The following SLC6A18 variants were observed in gnomAD, a reference collection of about 807,000 sequenced individuals.
SLC6A18 encodes inactive sodium-dependent neutral amino acid transporter B(0)AT3.
A neutral mutation model predicts 62.9 loss-of-function variants in SLC6A18; 58 were observed. The ratio of observed to expected loss-of-function variants is 0.92; its 90% CI spans 0.75 to 1.15. The LOEUF is 1.15. Ranked by LOEUF, SLC6A18 falls within the 50% of genes most tolerant of loss-of-function variation. The pLI, the probability that SLC6A18 is intolerant of heterozygous loss-of-function variation, is 0.00. For missense variants in SLC6A18, 793 were observed against 836.6 expected, an observed-to-expected ratio of 0.95 and a Z score of 0.64; for synonymous variants, 382 against 365.8, an observed-to-expected ratio of 1.04 and a Z score of -0.51.
At chr5:1,245,285 G>T (rs547965122) in intron 11 of SLC6A18, among the ~76,000 whole-genome samples, 1 of 152,006 alleles carries the variant, frequency 6.6e-6, no homozygotes, top group Non-Finnish European at 1.5e-5. Context: ...CTCCGAAAAC[G>T]CCTCAGGGGC....
chr5:1,240,525 G>T lies in SLC6A18; in HGVS notation c.846-6G>T. ...AAGCCTGTGATGAGCGTGCGTTTGTGCCCAGGAATGACTGCCAGAAGGATG... is the reference window on the plus strand; with the variant it reads ...AAGCCTGTGATGAGCGTGCGTTTGTTCCCAGGAATGACTGCCAGAAGGATG... On this transcript the variant is annotated splice_region_variant and splice_polypyrimidine_tract_variant and intron_variant, in intron 6 of 11. Transcript: ENST00000324642. The T allele has an allele frequency of 6.2e-7, 1 of 1,614,040 alleles. No homozygotes were observed. Among genetic ancestry groups the T allele is most frequent in the South Asian group, 1.1e-5 (1 of 91,056 alleles).
Position 1,239,707 on chromosome 5 carries a change from C to T in SLC6A18, c.845+145C>T, listed in dbSNP as rs899289329. On this transcript the variant is annotated intron_variant, in intron 6 of 11. Coordinates refer to ENST00000324642, the MANE Select transcript of SLC6A18 (RefSeq NM_182632.3). ...CCTCACGCCACAGTCTGGGCCCTCACGGCAGCTCCCAGCACGTCCGGAGCT... is the reference window on the plus strand; with the variant it reads ...CCTCACGCCACAGTCTGGGCCCTCATGGCAGCTCCCAGCACGTCCGGAGCT... The T allele has an allele frequency of 1.3e-4, 80 of 637,574 alleles. 1 individual carries two copies. The East Asian group carries it at 1.3e-3, about 10-fold the overall frequency. 39.5% of individuals were successfully genotyped at this position (637,574 alleles called of 1,614,324 possible). A position where few individuals can be genotyped will look rare whatever the true frequency, so the allele number is the denominator to read the frequency against.
intron 6 of SLC6A18, 127 bp from the exon 7 acceptor site, chr5:1,240,404 G>A: frequency 7.2e-7 from 1 of 1,398,060 alleles, no homozygotes; most frequent in South Asian, 1.4e-5. Context: ...AGCAGCCCTT[G>A]GGTCAGAGAA....
chr5:1,243,720 G>C lies in SLC6A18; in HGVS notation c.1297G>C (p.Gly433Arg), dbSNP rs761123823. Residue 433 changes from glycine to arginine, a missense_variant, in exon 9 of 12, where the codon GGG (glycine) becomes CGG (arginine). Transcript: ENST00000324642. This position sits in a 1 kb window ranked among gnomAD's most constrained non-coding sequence, Gnocchi z 6.5. ...EAVITPLLDV[G>R]VLPRWVPKEA... The stretch of plus-strand genomic sequence containing the variant: ...GGTCATCACACCCCTGCTGGACGTG[G>C]GGGTCCTGCCTAGATGGGTCCCCAA... 2 of 1,613,314 alleles carry C rather than the reference G, an allele frequency of 1.2e-6. No individual in the cohort carries two copies. Among genetic ancestry groups the C allele is most frequent in the Admixed American group, 1.7e-5 (1 of 59,968 alleles).
rs1747063606 is a variant in SLC6A18 at position 1,241,666 on chromosome 5, G to A, written c.974+1007G>A. ...AGGATGAGCCGGGTCAGGGAGGACG[G>A]TGATTTATAGGATTTACAGGATGAG... is the stretch of plus-strand genomic sequence containing the variant. On this transcript the variant is annotated intron_variant, in intron 7 of 11. Coordinates refer to ENST00000324642, the MANE Select transcript of SLC6A18 (RefSeq NM_182632.3). This position sits in a 1 kb window ranked among gnomAD's most constrained non-coding sequence, Gnocchi z 7.8. Among the ~76,000 whole-genome samples, 2 of 152,188 alleles carry A rather than the reference G, an allele frequency of 1.3e-5. No homozygotes were observed. Among genetic ancestry groups the A allele is most frequent in the Admixed American group, 6.5e-5 (1 of 15,280 alleles).
Position 1,235,536 on chromosome 5 carries a change from G to A in SLC6A18, c.495G>A (p.Gln165=). ...CCGTGAGCTACTTCTGGTACCGGCA[G>A]ACACTGAACATCACAGCCGACATCA... ...SSAVSYFWYR[Q]TLNITADIND... Residue 165 remains glutamine (Q), a synonymous_variant, in exon 4 of 12, where the codon CAG becomes CAA. Coordinates refer to ENST00000324642, the MANE Select transcript of SLC6A18 (RefSeq NM_182632.3). The A allele has an allele frequency of 6.2e-7, 1 of 1,614,074 alleles. No individual in the cohort carries two copies. The highest frequency in any genetic ancestry group is 2.2e-5 in the East Asian group (1 of 44,890).
At chr5:1,232,936 G>A (rs373466961) in intron 3 of SLC6A18, 48 bp downstream of exon 3, 11 of 1,567,560 alleles carry the variant, frequency 7.0e-6, no homozygotes, top group Admixed American at 5.3e-5. Flanking sequence ...GGCCGAGAGA[G>A]GCATGTGCTG....
At chr5:1,226,663 C>T (rs1746575890) in intron 1 of SLC6A18, among the ~76,000 whole-genome samples, 2 of 152,210 alleles carry the variant, frequency 1.3e-5, no homozygotes, top group Non-Finnish European at 2.9e-5. Flanking sequence ...ACTGGGGTCT[C>T]TTTGGGGCTT....
At position 1,244,636 on chromosome 5, in the gene SLC6A18, G is replaced by C. The variant is rs765497145; in HGVS notation, c.1525G>C (p.Gly509Arg). The C allele has an allele frequency of 1.3e-5, 21 of 1,606,826 alleles. No individual in the cohort carries two copies. Among genetic ancestry groups the C allele is most frequent in the Non-Finnish European group, 1.7e-5 (20 of 1,174,998 alleles). Residue 509 changes from glycine to arginine, a missense_variant, in exon 11 of 12, where the codon GGG (glycine) becomes CGG (arginine). Physicochemically the swap from Gly to Arg is moderately radical, Grantham distance 125. Transcript: ENST00000324642. ...CTGCGATGACATTGCGTGGATGACC[G>C]GGAGGCGGCCCAGCCCCTACTGGCG... ...RFCDDIAWMT[G>R]RRPSPYWRLT...
rs567530616 is a variant in SLC6A18, at chr5:1,236,804, G to A, written c.621+1142G>A. ...ACGCCAGTGCCCCATGCCCTGTGCA[G>A]TGTCTCAGTGTGCTGAGGTTGTCAT... On this transcript the variant is annotated intron_variant, in intron 4 of 11. Coordinates refer to ENST00000324642, the MANE Select transcript of SLC6A18 (RefSeq NM_182632.3). 4.6e-3 allele frequency among the ~76,000 whole-genome samples: 705 copies of A among 151,818 alleles called. 4 individuals carry two copies. Among genetic ancestry groups the A allele is most frequent in the Non-Finnish European group, 5.9e-3 (402 of 67,886 alleles).
At chr5:1,239,389 C>G (rs1009132228) in intron 5 of SLC6A18, 61 bp from the exon 6 acceptor site, 2 of 1,303,370 alleles carry the variant, frequency 1.5e-6, no homozygotes, top group Non-Finnish European at 2.2e-6. Context: ...CTGGAACAGT[C>G]AGGGCCACCA....
intron 11 of SLC6A18, 36 bp from the exon 12 acceptor site, chr5:1,245,812 T>G: frequency 6.4e-7 from 1 of 1,572,896 alleles, no homozygotes; most frequent in Non-Finnish European, 8.6e-7. Flanking sequence ...CGGCCCAGGG[T>G]GGCCGGCGCC....
At chr5:1,228,385 C>A (rs1167496678) in intron 1 of SLC6A18, among the ~76,000 whole-genome samples, 2 of 152,198 alleles carry the variant, frequency 1.3e-5, no homozygotes, top group Admixed American at 6.5e-5. Flanking sequence ...GCGGGTCTCT[C>A]CATCATGACC....
intron 3 of SLC6A18, among the ~76,000 whole-genome samples, chr5:1,233,511 C>A (rs373793134): frequency 4.0e-5 from 6 of 151,874 alleles, no homozygotes; most frequent in African/African-American, 1.5e-4. Flanking sequence ...AAAAAACAGA[C>A]TTTGGGTCCA....
intron 7 of SLC6A18, among the ~76,000 whole-genome samples, chr5:1,242,244 G>A (rs903619474): frequency 6.6e-6 from 1 of 152,210 alleles, no homozygotes; most frequent in Admixed American, 6.5e-5. Context: ...CAAACCCAGG[G>A]GGGTAGAGAA....
At chr5:1,244,184 A>G in intron 9 of SLC6A18, 30 bp from the exon 10 acceptor site, 3 of 752,218 alleles carry the variant, frequency 4.0e-6, no homozygotes, top group Non-Finnish European at 5.5e-6. Flanking sequence ...CCATCCCCTT[A>G]CCCCCCACAC....
At position 1,238,137 on chromosome 5, in the gene SLC6A18, A is replaced by G. The variant is rs552982437; in HGVS notation, c.732+77A>G. ...GCTGTGGCCAGCAGCTCCCTCCCTC[A>G]CCTGGGAGCGTGAGAGGCCAGGAGC... On this transcript the variant is annotated intron_variant, in intron 5 of 11. Coordinates refer to ENST00000324642, the MANE Select transcript of SLC6A18 (RefSeq NM_182632.3). 27 of 1,157,246 alleles carry G rather than the reference A, an allele frequency of 2.3e-5. No homozygotes were observed. In the African/African-American group the frequency reaches 3.2e-4, roughly 14 times the overall value. 71.7% of individuals were successfully genotyped at this position (1,157,246 alleles called of 1,614,324 possible).
At chr5:1,240,739 G>C in intron 7 of SLC6A18, 80 bp downstream of exon 7, 1 of 1,577,398 alleles carries the variant, frequency 6.3e-7, no homozygotes, top group Non-Finnish European at 8.6e-7. Context: ...CCCAAGGCAT[G>C]AGGAAGGGTG....
In SLC6A18 at chr5:1,241,650, C is replaced by T. The variant is rs115550457; in HGVS notation, c.974+991C>T. On this transcript the variant is annotated intron_variant, in intron 7 of 11. Transcript: ENST00000324642. This position sits in a 1 kb window ranked among gnomAD's most constrained non-coding sequence, Gnocchi z 7.8. ...AGGGACAGTGTTTTACAGGATGAGC[C>T]GGGTCAGGGAGGACGGTGATTTATA... 1.4e-4 allele frequency among the ~76,000 whole-genome samples: 22 copies of T among 152,206 alleles called. No homozygotes were observed. Among genetic ancestry groups the T allele is most frequent in the Admixed American group, 5.2e-4 (8 of 15,290 alleles).
Sources: gnomAD v4.1 joint callset for allele counts (sites outside exome capture counted in the v4.1 genomes callset) on GRCh38, gnomAD v4.1.1 for gene constraint, Gnocchi (gnomAD v3.1) non-coding constraint, MANE v1.5 for transcripts, NCBI Gene and HGNC (gene_info 2026-07-23, HGNC 2026-07-21) for gene names.